The following C10orf67 variants were observed in gnomAD, a reference collection of about 807,000 sequenced individuals.
The protein encoded by C10orf67 is chromosome 10 open reading frame 67, also known as uncharacterized protein C10orf67, mitochondrial.
C10orf67 carries 60 observed loss-of-function variants against 35.6 expected under a neutral mutation model. The ratio of observed to expected loss-of-function variants is 1.68; its 90% confidence interval spans 1.37 to 2.09. The LOEUF is 2.09. Among genes scored for constraint, C10orf67 ranks in the 30% most tolerant of loss-of-function variants. C10orf67 has a pLI of 0.00. For missense variants in C10orf67, 474 were observed against 330.2 expected, an observed-to-expected ratio of 1.44 and a Z score of -3.38; for synonymous variants, 167 against 115.8, an observed-to-expected ratio of 1.44 and a Z score of -2.84.
intron 13 of C10orf67, among the ~76,000 whole-genome samples, chr10:23,230,693 A>G (rs1011090669): frequency 6.6e-6 from 1 of 152,190 alleles, no homozygotes; most frequent in Admixed American, 6.5e-5. Flanking sequence ...ATAAACATTT[A>G]AAAAGATGAT....
At chr10:23,235,353 C>T (rs59102191) in intron 13 of C10orf67, among the ~76,000 whole-genome samples, 2 of 151,912 alleles carry the variant, frequency 1.3e-5, no homozygotes, top group Non-Finnish European at 2.9e-5. Flanking sequence ...AAATATCTGA[C>T]CTTCAAGGGA....
chr10:23,338,724 T>G (rs1003030246), intron 1 of C10orf67, among the ~76,000 whole-genome samples: 13 of 152,120 alleles, frequency 8.5e-5, no homozygotes, highest in Admixed American at 2.0e-4. Flanking sequence ...AAGATTCATT[T>G]AAGGCCAGGC....
chr10:23,323,646 C>T (rs376851175), intron 2 of C10orf67, among the ~76,000 whole-genome samples: 1 of 151,742 alleles, frequency 6.6e-6, no homozygotes, highest in African/African-American at 2.4e-5. Flanking sequence ...TGAGGTGGCT[C>T]ATGCCTGTAA....
intron 10 of C10orf67, among the ~76,000 whole-genome samples, chr10:23,263,918 T>C (rs1464762385): frequency 1.3e-5 from 2 of 152,206 alleles, no homozygotes; most frequent in African/African-American, 4.8e-5. Flanking sequence ...TCATATCGTA[T>C]TTTTCAGACT....
At chr10:23,271,726 A>T (rs1329883956) in intron 8 of C10orf67, among the ~76,000 whole-genome samples, 1 of 152,344 alleles carries the variant, frequency 6.6e-6, no homozygotes, top group East Asian at 1.9e-4. Context: ...ATCTTTTTAA[A>T]TAAAGTGCCT....
chr10:23,255,123 C>A lies in C10orf67; in HGVS notation c.1201-4432G>T, dbSNP rs1325761427. Among the ~76,000 whole-genome samples the A allele has an allele frequency of 2.6e-5, 4 of 152,126 alleles. No individual in the cohort carries two copies. In the East Asian group the frequency reaches 7.7e-4, roughly 29 times the overall value. On this transcript the variant is annotated intron_variant, in intron 10 of 15. Transcript: ENST00000636213. ...CAGGGAGAGGAGGGGCTAATAGAAA[C>A]ACACGAAACAAGGACCAACCTCATG...
chr10:23,226,865 A>G (rs1413163923), intron 13 of C10orf67, among the ~76,000 whole-genome samples: 2 of 152,224 alleles, frequency 1.3e-5, no homozygotes, highest in East Asian at 3.9e-4. Context: ...TCCTGGACAC[A>G]TACACCTTCC....
At position 23,247,553 on chromosome 10, in the gene C10orf67, T is replaced by C. The variant is rs145600681; in HGVS notation, c.1346+2902A>G. Among the ~76,000 whole-genome samples, 956 of 152,278 alleles carry C rather than the reference T, an allele frequency of 6.3e-3. 4 individuals are homozygous for C. Among genetic ancestry groups the C allele is most frequent in the South Asian group, 9.7e-3 (47 of 4,822 alleles). On this transcript the variant is annotated intron_variant, in intron 12 of 15. Coordinates refer to ENST00000636213, the MANE Select transcript of C10orf67 (RefSeq NM_001371909.1). ...TCGCCTAATGACACATTTCTCAGAA[T>C]CTATCCCTGTCATCAAGTGACACAT...
At chr10:23,229,148 G>A (rs907340020) in intron 13 of C10orf67, among the ~76,000 whole-genome samples, 6 of 151,850 alleles carry the variant, frequency 4.0e-5, no homozygotes, top group Admixed American at 6.6e-5. Context: ...TGTTCACTGC[G>A]GCACTATTCA....
intron 4 of C10orf67, chr10:23,318,072 G>T (rs918672087): frequency 4.0e-5 from 5 of 124,286 alleles, no homozygotes; most frequent in African/African-American, 1.3e-4. Context: ...CTACATTCCA[G>T]CCTGGGAGAC....
At chr10:23,245,236 G>A (rs1238527917) in intron 12 of C10orf67, among the ~76,000 whole-genome samples, 16 of 152,086 alleles carry the variant, frequency 1.1e-4, no homozygotes, top group Admixed American at 1.0e-3. Flanking sequence ...ATAAACATAA[G>A]TCCTGAAACC....
chr10:23,343,612 G>T (rs1423037962), intron 1 of C10orf67, among the ~76,000 whole-genome samples: 1 of 152,130 alleles, frequency 6.6e-6, no homozygotes, highest in African/African-American at 2.4e-5. Context: ...ATTATTTCCC[G>T]CTGAGAAAAC....
intron 1 of C10orf67, among the ~76,000 whole-genome samples, chr10:23,342,294 C>T (rs1275655537): frequency 6.6e-6 from 1 of 152,044 alleles, no homozygotes; most frequent in Non-Finnish European, 1.5e-5. Context: ...CGGTTTCTTC[C>T]TTATCACTAA....
downstream of C10orf67, chr10:23,202,310 C>G (rs1360962990): frequency 6.6e-6 from 1 of 152,254 alleles, no homozygotes. Context: ...CAGTTGCCAG[C>G]TTTCTGAAAT....
intron 15 of C10orf67, among the ~76,000 whole-genome samples, chr10:23,223,157 G>A (rs1022076878): frequency 3.3e-5 from 5 of 151,978 alleles, no homozygotes; most frequent in Admixed American, 3.3e-4. Flanking sequence ...TTGGCTCACT[G>A]CAGCCTTGAC....
intron 8 of C10orf67, among the ~76,000 whole-genome samples, chr10:23,280,727 A>G (rs1373984310): frequency 6.6e-6 from 1 of 152,228 alleles, no homozygotes; most frequent in Non-Finnish European, 1.5e-5. Flanking sequence ...GAGCAATACA[A>G]TAGCACCCGT....
At chr10:23,225,487 T>A (rs1841709848) in intron 13 of C10orf67, among the ~76,000 whole-genome samples, 1 of 152,088 alleles carries the variant, frequency 6.6e-6, no homozygotes. Context: ...CCAGCTAACA[T>A]CATAATGACA....
At chr10:23,224,931 T>G (rs936879578) in intron 13 of C10orf67, among the ~76,000 whole-genome samples, 2 of 152,142 alleles carry the variant, frequency 1.3e-5, no homozygotes, top group Non-Finnish European at 2.9e-5. Flanking sequence ...TGGAAACAAG[T>G]TGGAAAACAC....
chr10:23,235,669 G>A (rs1470240481), intron 13 of C10orf67, among the ~76,000 whole-genome samples: 2 of 152,084 alleles, frequency 1.3e-5, no homozygotes, highest in African/African-American at 4.8e-5. Context: ...TGTGCATTTA[G>A]CCACAAGTTT....
Sources: gnomAD v4.1 joint callset for allele counts (sites outside exome capture counted in the v4.1 genomes callset) on GRCh38, gnomAD v4.1.1 for gene constraint, MANE v1.5 for transcripts, NCBI Gene and HGNC (gene_info 2026-07-23, HGNC 2026-07-21) for gene names.